Variants in TENT5C observed in about 807,000 individuals in gnomAD.
TENT5C encodes terminal nucleotidyltransferase 5C.
TENT5C carries 5 observed loss-of-function variants against 22.2 expected under a neutral mutation model. The observed-to-expected ratio is 0.22, with a 90% CI of 0.12 to 0.47. TENT5C has a LOEUF of 0.47. Ranked by LOEUF, TENT5C falls within the 20% of genes least tolerant of loss-of-function variation. TENT5C has a pLI of 0.99. For synonymous variants in TENT5C, 199 were observed against 195.4 expected (o/e 1.02, Z -0.15); for missense variants, 364 against 500.9 (o/e 0.73, Z 2.61).
chr1:117,610,114 C>CT (rs1306154290), intron 1 of TENT5C, among the ~76,000 whole-genome samples: 1 of 152,124 alleles, frequency 6.6e-6, no homozygotes, highest in Admixed American at 6.5e-5. Context: ...GATTCTTTCT[C>CT]TTTTTTATTG....
In TENT5C at chr1:117,627,741, G is replaced by C; in HGVS notation, c.*3697G>C. 1 of 247,994 alleles carries C rather than the reference G, an allele frequency of 4.0e-6. No individual in the cohort carries two copies. The highest frequency in any genetic ancestry group is 8.5e-6 in the Non-Finnish European group (1 of 118,130). 15.4% of individuals were successfully genotyped at this position (247,994 alleles called of 1,614,324 possible). A position where few individuals can be genotyped will look rare whatever the true frequency, so the allele number is the denominator to read the frequency against. On this transcript the variant is annotated 3_prime_UTR_variant, in exon 2 of 2. Transcript: ENST00000369448. ...CCAGTTAAAATCAGAGGACCAAGTC[G>C]TGGGGGAGGGGGGCGGTGTTGAGGA...
In TENT5C at chr1:117,624,198, G is replaced by C; in HGVS notation, c.*154G>C. ...TTTTTTTTCCTTTGTGTACCCATTG[G>C]AATGGGTCTACAGTGTATCATGAGC... On this transcript the variant is annotated 3_prime_UTR_variant, in exon 2 of 2. Coordinates refer to ENST00000369448, the MANE Select transcript of TENT5C (RefSeq NM_017709.4). The C allele has an allele frequency of 3.0e-6, 2 of 673,718 alleles. No individual in the cohort carries two copies. The highest frequency in any genetic ancestry group is 5.0e-6 in the Non-Finnish European group (2 of 398,848). 41.7% of individuals were successfully genotyped at this position (673,718 alleles called of 1,614,324 possible). A position where few individuals can be genotyped will look rare whatever the true frequency, so the allele number is the denominator to read the frequency against.
chr1:117,620,355 C>G (rs1203346352), intron 1 of TENT5C, among the ~76,000 whole-genome samples: 1 of 152,168 alleles, frequency 6.6e-6, no homozygotes, highest in African/African-American at 2.4e-5. Context: ...GCATTACAGC[C>G]TCTGGTTTCC....
In TENT5C at chr1:117,624,060, G is replaced by A. The variant is rs1292419423; in HGVS notation, c.*16G>A. 1.3e-6 allele frequency: 2 copies of A among 1,595,716 alleles called. No individual in the cohort carries two copies. The highest frequency in any genetic ancestry group is 1.7e-6 in the Non-Finnish European group (2 of 1,169,600). On this transcript the variant is annotated 3_prime_UTR_variant, in exon 2 of 2. Coordinates refer to ENST00000369448, the MANE Select transcript of TENT5C (RefSeq NM_017709.4). ...CTGTAACTAACCTTGAGACCTGAGG[G>A]TTTCCACAGTGGGAACCCCAATAGG...
chr1:117,622,565 G>A (rs1039553728), intron 1 of TENT5C, among the ~76,000 whole-genome samples: 3 of 151,896 alleles, frequency 2.0e-5, no homozygotes, highest in Non-Finnish European at 2.9e-5. Flanking sequence ...AACACACTCC[G>A]TTTCAGCACA....
rs1653958488 is a variant in TENT5C, at chr1:117,624,127, C to T, written c.*83C>T. The T allele has an allele frequency of 2.6e-6, 3 of 1,171,088 alleles. No homozygotes were observed. Among genetic ancestry groups the T allele is most frequent in the South Asian group, 3.2e-5 (2 of 61,922 alleles). 72.5% of individuals were successfully genotyped at this position (1,171,088 alleles called of 1,614,324 possible). The stretch of plus-strand genomic sequence containing the variant: ...AGGGGAGCCTCCTTCTAGATGTAGG[C>T]ATTTGGCTTTTAAAGGGGAACTCAG... On this transcript the variant is annotated 3_prime_UTR_variant, in exon 2 of 2. Coordinates refer to ENST00000369448, the MANE Select transcript of TENT5C (RefSeq NM_017709.4).
Position 117,624,180 on chromosome 1 carries a change from T to A in TENT5C, c.*136T>A, listed in dbSNP as rs1570865334. The A allele has an allele frequency of 2.6e-6, 2 of 763,254 alleles. No homozygotes were observed. The highest frequency in any genetic ancestry group is 4.2e-6 in the Non-Finnish European group (2 of 477,472). The allele number at this position is 763,254 out of a possible 1,614,324, so 47.3% of individuals were successfully genotyped here. A position where few individuals can be genotyped will look rare whatever the true frequency, so the allele number is the denominator to read the frequency against. On this transcript the variant is annotated 3_prime_UTR_variant, in exon 2 of 2. Transcript: ENST00000369448. ...CTGATTCTGCTTTTTTTTTTTTTTT[T>A]CCTTTGTGTACCCATTGGAATGGGT...
At position 117,622,895 on chromosome 1, in the gene TENT5C, G is replaced by A; in HGVS notation, c.27G>A (p.Arg9=). MAEESSCT[R]DCMSFSVLNW... is the part of the protein sequence containing the mutation. Reference sequence around the variant, plus strand: ...TGGCAGAGGAGAGCAGCTGTACCAGGGATTGCATGTCCTTCAGCGTGCTCA... The same window carrying A: ...TGGCAGAGGAGAGCAGCTGTACCAGAGATTGCATGTCCTTCAGCGTGCTCA... The change falls in exon 2 of 2, where the codon AGG becomes AGA. Residue 9 remains arginine (R), a synonymous_variant. Coordinates refer to ENST00000369448, the MANE Select transcript of TENT5C (RefSeq NM_017709.4). The A allele has an allele frequency of 6.2e-7, 1 of 1,612,914 alleles. No individual in the cohort carries two copies. The highest frequency in any genetic ancestry group is 8.5e-7 in the Non-Finnish European group (1 of 1,178,996).
At chr1:117,612,771 A>T (rs1021439324) in intron 1 of TENT5C, among the ~76,000 whole-genome samples, 1 of 152,228 alleles carries the variant, frequency 6.6e-6, no homozygotes, top group Non-Finnish European at 1.5e-5. Flanking sequence ...CTAACGTATG[A>T]TAAGGGTGGC....
At chr1:117,608,338 T>C (rs1378058723) in intron 1 of TENT5C, among the ~76,000 whole-genome samples, 1 of 152,188 alleles carries the variant, frequency 6.6e-6, no homozygotes, top group African/African-American at 2.4e-5. Context: ...TCTTCTCTTG[T>C]ACCGTGAGCA....
chr1:117,626,299 C>G lies in TENT5C; in HGVS notation c.*2255C>G, dbSNP rs1362625534. ...TTCTTTCTGCTTATGTTTTTTCCCC[C>G]CCATCTGGTAATAGTCCTCTTCTGA... On this transcript the variant is annotated 3_prime_UTR_variant, in exon 2 of 2. Transcript: ENST00000369448. The G allele has an allele frequency of 8.1e-6, 2 of 247,714 alleles. No individual in the cohort carries two copies. Among genetic ancestry groups the G allele is most frequent in the East Asian group, 1.2e-4 (2 of 16,574 alleles). 15.3% of individuals were successfully genotyped at this position (247,714 alleles called of 1,614,324 possible). A position where few individuals can be genotyped will look rare whatever the true frequency, so the allele number is the denominator to read the frequency against.
intron 1 of TENT5C, among the ~76,000 whole-genome samples, chr1:117,620,186 A>G (rs1294111740): frequency 2.6e-5 from 4 of 152,214 alleles, no homozygotes; most frequent in South Asian, 2.1e-4. Context: ...TAGCGTAGGC[A>G]TTGTCCTGAC....
chr1:117,618,341 G>A (rs1463296297), intron 1 of TENT5C, among the ~76,000 whole-genome samples: 1 of 151,710 alleles, frequency 6.6e-6, no homozygotes, highest in Non-Finnish European at 1.5e-5. Context: ...AATTTCTTTT[G>A]GTTAACATAG....
At chr1:117,621,864 A>G (rs977782094) in intron 1 of TENT5C, among the ~76,000 whole-genome samples, 2 of 152,090 alleles carry the variant, frequency 1.3e-5, no homozygotes, top group African/African-American at 4.8e-5. Flanking sequence ...ATTGTGTTTT[A>G]TTTTTTGGTA....
At chr1:117,612,867 A>T (rs1456965276) in intron 1 of TENT5C, among the ~76,000 whole-genome samples, 1 of 152,312 alleles carries the variant, frequency 6.6e-6, no homozygotes, top group Non-Finnish European at 1.5e-5. Context: ...CTTTTAGCTG[A>T]CTGAGGTCTT....
At position 117,628,078 on chromosome 1, in the gene TENT5C, A is replaced by G. The variant is rs865964653; in HGVS notation, c.*4034A>G. On this transcript the variant is annotated 3_prime_UTR_variant, in exon 2 of 2. Transcript: ENST00000369448. ...GGGTGTTTTTAAAAAAACTCAACCTATCTGGTGTTTTATTTTAATGGATAA... is the reference window on the plus strand; with the variant it reads ...GGGTGTTTTTAAAAAAACTCAACCTGTCTGGTGTTTTATTTTAATGGATAA... 3 of 247,990 alleles carry G rather than the reference A, an allele frequency of 1.2e-5. No homozygotes were observed. The highest frequency in any genetic ancestry group is 4.4e-5 in the African/African-American group (2 of 45,348). The allele number at this position is 247,990 out of a possible 1,614,324, so 15.4% of individuals were successfully genotyped here. A position where few individuals can be genotyped will look rare whatever the true frequency, so the allele number is the denominator to read the frequency against.
chr1:117,627,665 C>G lies in TENT5C; in HGVS notation c.*3621C>G. 4.0e-6 allele frequency: 1 copy of G among 248,122 alleles called. No homozygotes were observed. The allele number at this position is 248,122 out of a possible 1,614,324, so 15.4% of individuals were successfully genotyped here. On this transcript the variant is annotated 3_prime_UTR_variant, in exon 2 of 2. Coordinates refer to ENST00000369448, the MANE Select transcript of TENT5C (RefSeq NM_017709.4). Reference sequence around the variant, plus strand: ...CCAAGGTTAGATTCACATCCTTAATCTTGCAGAGACTAGAATTTCACAGCT... The same window carrying G: ...CCAAGGTTAGATTCACATCCTTAATGTTGCAGAGACTAGAATTTCACAGCT...
intron 1 of TENT5C, among the ~76,000 whole-genome samples, chr1:117,621,848 G>T (rs771545770): frequency 2.0e-5 from 3 of 152,078 alleles, no homozygotes; most frequent in Non-Finnish European, 4.4e-5. Flanking sequence ...GGATTTCCAG[G>T]GATCCATTGT....
intron 1 of TENT5C, among the ~76,000 whole-genome samples, chr1:117,610,488 T>C (rs1653644535): frequency 6.6e-6 from 1 of 152,232 alleles, no homozygotes; most frequent in African/African-American, 2.4e-5. Context: ...TTATTCCATC[T>C]GGGGACCCGC....
Sources: allele counts gnomAD v4.1 joint callset (sites outside exome capture counted in the v4.1 genomes callset), GRCh38; gene constraint gnomAD v4.1.1; transcripts MANE v1.5; gene names NCBI Gene and HGNC (gene_info 2026-07-23, HGNC 2026-07-21).